RTN1: variants seen among roughly 807,000 people sequenced by gnomAD.
RTN1 encodes reticulon-1.
In RTN1, 25 loss-of-function variants were observed where a neutral mutation model predicts 65.5. The ratio of observed to expected loss-of-function variants is 0.38; its 90% CI spans 0.28 to 0.53. The LOEUF (loss-of-function observed/expected upper bound fraction) is 0.53, where lower values mean the gene tolerates loss of function less well. Among genes scored for constraint, RTN1 ranks in the 20% least tolerant of loss-of-function variants. The pLI is 0.79. For synonymous variants in RTN1, 471 were observed against 447.6 expected (o/e 1.05, Z -0.66); for missense variants, 983 against 1,025.4 (o/e 0.96, Z 0.57).
intron 3 of RTN1, among the ~76,000 whole-genome samples, chr14:59,673,710 G>A (rs553175563): frequency 2.6e-5 from 4 of 152,230 alleles, no homozygotes; most frequent in South Asian, 4.1e-4. Context: ...AGAGAGAGGA[G>A]GGTAAGATGG....
At position 59,726,902 on chromosome 14, in the gene RTN1, T is replaced by A. The variant is rs1222289504; in HGVS notation, c.1765+17A>T. ...AGGGAGGACACTAACCAAGCATCCC[T>A]GCTTGGGATCCTTTACCTTTTTGCT... On this transcript the variant is annotated intron_variant, in intron 3 of 8. Coordinates refer to ENST00000267484, the MANE Select transcript of RTN1 (RefSeq NM_021136.3). The A allele has an allele frequency of 1.2e-6, 2 of 1,602,460 alleles. No individual in the cohort carries two copies. The highest frequency in any genetic ancestry group is 3.4e-5 in the Admixed American group (2 of 58,590).
At chr14:59,726,417 C>T (rs1280674442) in intron 3 of RTN1, among the ~76,000 whole-genome samples, 1 of 152,192 alleles carries the variant, frequency 6.6e-6, no homozygotes, top group East Asian at 1.9e-4. Flanking sequence ...AGGCCCAAAT[C>T]CCTTGCCCTT....
rs74979842 is a variant in RTN1, at chr14:59,862,359, C to T, written c.241+8031G>A. Among the ~76,000 whole-genome samples, 408 of 152,018 alleles carry T rather than the reference C, an allele frequency of 2.7e-3. 2 individuals are homozygous for T. The highest frequency in any genetic ancestry group is 9.3e-3 in the African/African-American group (384 of 41,464). On this transcript the variant is annotated intron_variant, in intron 1 of 8. Transcript: ENST00000267484. ...AATCATGTAGGTGACTGTTTCACTCCTATTTTCACCTTTCTTCTGGACTCC... is the reference window on the plus strand; with the variant it reads ...AATCATGTAGGTGACTGTTTCACTCTTATTTTCACCTTTCTTCTGGACTCC...
intron 1 of RTN1, among the ~76,000 whole-genome samples, chr14:59,861,871 T>C (rs1261155942): frequency 6.6e-6 from 1 of 152,202 alleles, no homozygotes; most frequent in Non-Finnish European, 1.5e-5. Flanking sequence ...AGCCTCCCAA[T>C]TGCCCTGCTC....
intron 3 of RTN1, among the ~76,000 whole-genome samples, chr14:59,667,186 T>C (rs931577172): frequency 6.6e-6 from 1 of 152,128 alleles, no homozygotes; most frequent in Non-Finnish European, 1.5e-5. Flanking sequence ...ATATCCCTGA[T>C]GAACATCAAT....
chr14:59,726,293 G>C (rs1462999863), intron 3 of RTN1, among the ~76,000 whole-genome samples: 1 of 152,200 alleles, frequency 6.6e-6, no homozygotes, highest in East Asian at 1.9e-4. Context: ...TAAGTAATAA[G>C]AGACTTTAAA....
At chr14:59,864,660 G>C (rs1882526748) in intron 1 of RTN1, among the ~76,000 whole-genome samples, 1 of 152,028 alleles carries the variant, frequency 6.6e-6, no homozygotes, top group African/African-American at 2.4e-5. Flanking sequence ...TCAATAAATA[G>C]TAGTATAATC....
At chr14:59,797,464 A>T (rs1177150879) in intron 1 of RTN1, among the ~76,000 whole-genome samples, 1 of 152,200 alleles carries the variant, frequency 6.6e-6, no homozygotes, top group Non-Finnish European at 1.5e-5. Flanking sequence ...GTAAAGCTAT[A>T]TAGAAAGCTT....
chr14:59,701,525 G>T (rs1170724620), intron 3 of RTN1, among the ~76,000 whole-genome samples: 1 of 152,090 alleles, frequency 6.6e-6, no homozygotes, highest in African/African-American at 2.4e-5. Flanking sequence ...GCTATAACAT[G>T]GATGAACCCT....
intron 3 of RTN1, among the ~76,000 whole-genome samples, chr14:59,690,308 G>T (rs1178406733): frequency 6.6e-6 from 1 of 151,726 alleles, no homozygotes; most frequent in Admixed American, 6.6e-5. Flanking sequence ...CGGAGGTGGG[G>T]GGGGGTCATT....
chr14:59,606,720 T>C (rs756018471), intron 4 of RTN1, among the ~76,000 whole-genome samples: 1 of 152,244 alleles, frequency 6.6e-6, no homozygotes, highest in African/African-American at 2.4e-5. Flanking sequence ...CTTTTATTTT[T>C]GTATTTCCTC....
At chr14:59,782,105 G>A (rs1433632281) in intron 1 of RTN1, among the ~76,000 whole-genome samples, 1 of 152,062 alleles carries the variant, frequency 6.6e-6, no homozygotes, top group Non-Finnish European at 1.5e-5. Context: ...CAGTGAAAAG[G>A]CACTGTCTAT....
chr14:59,703,611 G>A (rs1020403990), intron 3 of RTN1, among the ~76,000 whole-genome samples: 5 of 152,144 alleles, frequency 3.3e-5, no homozygotes, highest in African/African-American at 1.2e-4. Context: ...TTGTAGCAAT[G>A]CAAAAACGGA....
At chr14:59,758,804 G>A (rs1885691596) in intron 1 of RTN1, among the ~76,000 whole-genome samples, 1 of 152,120 alleles carries the variant, frequency 6.6e-6, no homozygotes, top group African/African-American at 2.4e-5. Flanking sequence ...CCATCTGATT[G>A]AGTCACATTC....
At chr14:59,764,776 T>C (rs545430831) in intron 1 of RTN1, among the ~76,000 whole-genome samples, 1 of 152,336 alleles carries the variant, frequency 6.6e-6, no homozygotes, top group South Asian at 2.1e-4. Context: ...ATCTTTTATA[T>C]GAATGGGATA....
intron 8 of RTN1, among the ~76,000 whole-genome samples, chr14:59,598,789 A>G: frequency 6.6e-6 from 1 of 152,158 alleles, no homozygotes; most frequent in South Asian, 2.1e-4. Context: ...CTCCTTTAGC[A>G]ATGTTAGACC....
At chr14:59,750,165 T>A (rs1385536338) in intron 1 of RTN1, among the ~76,000 whole-genome samples, 4 of 73,686 alleles carry the variant, frequency 5.4e-5, no homozygotes, top group African/African-American at 2.1e-4. Context: ...ATAATATATA[T>A]TATATCTATA....
At chr14:59,754,384 C>G (rs1174605644) in intron 1 of RTN1, among the ~76,000 whole-genome samples, 1 of 152,132 alleles carries the variant, frequency 6.6e-6, no homozygotes, top group Non-Finnish European at 1.5e-5. Flanking sequence ...CTACTTTTCT[C>G]AAGGAAAAGC....
intron 3 of RTN1, among the ~76,000 whole-genome samples, chr14:59,696,144 C>G (rs987965550): frequency 6.6e-6 from 1 of 152,148 alleles, no homozygotes; most frequent in African/African-American, 2.4e-5. Context: ...TTAAACCTCT[C>G]TATTGTAAAG....
Sources: allele counts gnomAD v4.1 joint callset (sites outside exome capture counted in the v4.1 genomes callset), GRCh38; gene constraint gnomAD v4.1.1; transcripts MANE v1.5; gene names NCBI Gene and HGNC (gene_info 2026-07-23, HGNC 2026-07-21).